Variants in AHCYL2 observed in about 807,000 individuals in gnomAD.
The protein encoded by AHCYL2 is S-adenosylhomocysteine hydrolase-like protein 2.
Under a neutral mutation model 81.4 loss-of-function variants are expected in AHCYL2, and 28 were observed. The observed-to-expected ratio is 0.34, with a 90% CI of 0.25 to 0.47. AHCYL2 has a LOEUF of 0.47. Ranked by LOEUF, AHCYL2 falls within the 20% of genes least tolerant of loss-of-function variation. The pLI, the probability that AHCYL2 is intolerant of heterozygous loss-of-function variation, is 1.00. For missense variants in AHCYL2, 551 were observed against 785.1 expected, an observed-to-expected ratio of 0.70 and a Z score of 3.56; for synonymous variants, 272 against 290.2, an observed-to-expected ratio of 0.94 and a Z score of 0.64.
At chr7:129,415,133 G>T (rs189601541) in intron 12 of AHCYL2, among the ~76,000 whole-genome samples, 31 of 152,226 alleles carry the variant, frequency 2.0e-4, no homozygotes, top group Non-Finnish European at 3.2e-4. Context: ...GTTTTCTTTT[G>T]CTTAAGTTTC....
At chr7:129,341,677 A>G (rs1793190731) in intron 1 of AHCYL2, among the ~76,000 whole-genome samples, 1 of 152,140 alleles carries the variant, frequency 6.6e-6, no homozygotes, top group Non-Finnish European at 1.5e-5. Context: ...TGAAGATGGA[A>G]TGGAGGACTG....
At chr7:129,403,949 G>A (rs1796172408) in intron 7 of AHCYL2, among the ~76,000 whole-genome samples, 1 of 146,876 alleles carries the variant, frequency 6.8e-6, no homozygotes, top group South Asian at 2.1e-4. Context: ...CCAGATCTCA[G>A]CTTGCTATGA....
Position 129,422,911 on chromosome 7 carries a change from T to C in AHCYL2, c.1533T>C (p.Asp511=). The part of the protein sequence containing the change: ...RSQVDHVIWP[D]GKRIVLLAEG... ...AAGTTGACCATGTGATATGGCCTGATGGCAAGAGGATAGTACTGCTGGCAG... is the reference window on the plus strand; with the variant it reads ...AAGTTGACCATGTGATATGGCCTGACGGCAAGAGGATAGTACTGCTGGCAG... The change falls in exon 13 of 17, where the codon GAT becomes GAC. Residue 511 remains aspartate (D), a synonymous_variant. Transcript: ENST00000325006. The C allele has an allele frequency of 1.9e-6, 3 of 1,614,106 alleles. No homozygotes were observed. The highest frequency in any genetic ancestry group is 2.5e-6 in the Non-Finnish European group (3 of 1,180,016).
Position 129,368,075 on chromosome 7 carries a change from C to T in AHCYL2, c.364-11563C>T, listed in dbSNP as rs186616029. On this transcript the variant is annotated intron_variant, in intron 1 of 16. Transcript: ENST00000325006. This position sits in a 1 kb window ranked among gnomAD's most constrained non-coding sequence, Gnocchi z 4.4. ...ATCTTGGTATCCGCACCTCCAGTGA[C>T]GTGTCCTGAAGGGTGGGAGAGAATT... 4.7e-4 allele frequency: 466 copies of T among 985,816 alleles called. 1 individual carries two copies. The African/African-American group carries it at 7.3e-3, about 16-fold the overall frequency. The allele number at this position is 985,816 out of a possible 1,614,324, so 61.1% of individuals were successfully genotyped here.
chr7:129,365,661 TG>T (rs1256289148), intron 1 of AHCYL2, among the ~76,000 whole-genome samples: 1 of 150,104 alleles, frequency 6.7e-6, no homozygotes, highest in African/African-American at 2.5e-5. Flanking sequence ...TGAAGTGGAT[TG>T]TCTTCTGGGA....
At chr7:129,333,308 CAAAAAAAA>C (rs1181621904) in intron 1 of AHCYL2, among the ~76,000 whole-genome samples, 1 of 67,510 alleles carries the variant, frequency 1.5e-5, no homozygotes, top group Admixed American at 1.6e-4. Flanking sequence ...CATCTCTACC[CAAAAAAAA>C]AAAAAAAAAA....
intron 1 of AHCYL2, among the ~76,000 whole-genome samples, chr7:129,268,598 C>T (rs544619025): frequency 1.3e-5 from 2 of 152,272 alleles, no homozygotes; most frequent in East Asian, 1.9e-4. Flanking sequence ...AGGATCCACC[C>T]GCTTCGGCCT....
intron 2 of AHCYL2, among the ~76,000 whole-genome samples, chr7:129,380,000 A>G (rs1794879306): frequency 6.6e-6 from 1 of 152,252 alleles, no homozygotes; most frequent in Non-Finnish European, 1.5e-5. Context: ...GAATTCTTTA[A>G]TCTACTCAGA....
intron 1 of AHCYL2, among the ~76,000 whole-genome samples, chr7:129,289,789 C>G (rs1235953514): frequency 6.9e-6 from 1 of 145,742 alleles, no homozygotes; most frequent in Non-Finnish European, 1.5e-5. Flanking sequence ...TTCTTTCTTT[C>G]TTTTTTTTTT....
At chr7:129,386,579 G>A (rs1262855948) in intron 2 of AHCYL2, among the ~76,000 whole-genome samples, 1 of 152,164 alleles carries the variant, frequency 6.6e-6, no homozygotes, top group African/African-American at 2.4e-5. Flanking sequence ...GTTTTTTCCA[G>A]GTTTTAGAAT....
chr7:129,334,717 G>C (rs1798534754), intron 1 of AHCYL2, among the ~76,000 whole-genome samples: 1 of 152,108 alleles, frequency 6.6e-6, no homozygotes, highest in Non-Finnish European at 1.5e-5. Flanking sequence ...CTCAGTAGGG[G>C]TAGAGACAAG....
At chr7:129,370,570 C>T (rs958116159) in intron 1 of AHCYL2, among the ~76,000 whole-genome samples, 8 of 152,068 alleles carry the variant, frequency 5.3e-5, no homozygotes, top group African/African-American at 7.2e-5. Context: ...TGGTGGCGGG[C>T]GCCTATAGTC....
intron 1 of AHCYL2, among the ~76,000 whole-genome samples, chr7:129,307,122 C>G (rs1463256230): frequency 6.6e-6 from 1 of 152,120 alleles, no homozygotes. Flanking sequence ...TATGTTCACT[C>G]AAGGCCTTAG....
chr7:129,297,071 G>A (rs1482047562), intron 1 of AHCYL2, among the ~76,000 whole-genome samples: 2 of 152,178 alleles, frequency 1.3e-5, no homozygotes, highest in Non-Finnish European at 2.9e-5. Context: ...AAGACTGTGT[G>A]TACACATGCA....
At chr7:129,397,834 C>G (rs1414125273) in intron 5 of AHCYL2, among the ~76,000 whole-genome samples, 1 of 152,142 alleles carries the variant, frequency 6.6e-6, no homozygotes, top group Non-Finnish European at 1.5e-5. Flanking sequence ...CAGCCTCTTG[C>G]CTTTACTCTT....
intron 11 of AHCYL2, chr7:129,409,965 T>G (rs1796489544): frequency 1.7e-6 from 1 of 600,554 alleles, no homozygotes; most frequent in East Asian, 2.8e-5. Context: ...AGAGTGCAAG[T>G]GAAGCATCAG....
chr7:129,291,750 C>T lies in AHCYL2; in HGVS notation c.363+66311C>T, dbSNP rs538359006. 2.3e-3 allele frequency among the ~76,000 whole-genome samples: 344 copies of T among 151,754 alleles called. 2 individuals are homozygous for T. The highest frequency in any genetic ancestry group is 6.8e-3 in the Middle Eastern group (2 of 292). On this transcript the variant is annotated intron_variant, in intron 1 of 16. Coordinates refer to ENST00000325006, the MANE Select transcript of AHCYL2 (RefSeq NM_015328.4). ...CCGAGTAGCTGGGACTACAGGCACC[C>T]GCCACCATGCCTGGAAAATTTTGTT...
At chr7:129,356,963 C>A (rs1793754701) in intron 1 of AHCYL2, among the ~76,000 whole-genome samples, 1 of 152,170 alleles carries the variant, frequency 6.6e-6, no homozygotes. Context: ...AAATTATTGT[C>A]TTTTAATATA....
In AHCYL2 at chr7:129,370,615, A is replaced by G. The variant is rs188149596; in HGVS notation, c.364-9023A>G. 8.6e-3 allele frequency among the ~76,000 whole-genome samples: 1,306 copies of G among 152,260 alleles called. 9 individuals are homozygous for G. Among genetic ancestry groups the G allele is most frequent in the African/African-American group, 0.025 (1,058 of 41,532 alleles). ...CTGGAGGCTGAGGCAGGAGAATAGC[A>G]TGAACCCGGGAGGCAGAGCTTACAG... is the stretch of plus-strand genomic sequence containing the variant. On this transcript the variant is annotated intron_variant, in intron 1 of 16. Transcript: ENST00000325006.
Sources: gnomAD v4.1 joint callset for allele counts (sites outside exome capture counted in the v4.1 genomes callset) on GRCh38, gnomAD v4.1.1 for gene constraint, Gnocchi (gnomAD v3.1) non-coding constraint, MANE v1.5 for transcripts, NCBI Gene and HGNC (gene_info 2026-07-23, HGNC 2026-07-21) for gene names.